CALN1: variants seen among roughly 807,000 people sequenced by gnomAD.
CALN1 encodes the protein calcium-binding protein 8.
A neutral mutation model predicts 30.6 loss-of-function variants in CALN1; 17 were observed. That is an observed-to-expected ratio of 0.56 (90% CI 0.38 to 0.83). The LOEUF is 0.83. Among genes scored for constraint, CALN1 ranks in the 40% least tolerant of loss-of-function variants. CALN1 has a pLI of 0.00. For synonymous variants in CALN1, 156 were observed against 131.4 expected, an observed-to-expected ratio of 1.19 and a Z score of -1.28; for missense variants, 291 against 354.9, an observed-to-expected ratio of 0.82 and a Z score of 1.45.
chr7:72,114,297 GGGAA>G lies in CALN1; in HGVS notation c.245-8007_245-8004del, dbSNP rs1347145528. On this transcript the variant is annotated intron_variant, in intron 3 of 6. Coordinates refer to ENST00000395275, the MANE Select transcript of CALN1 (RefSeq NM_031468.4). ...GGGAAGGGAAGGGAAGGGAAGGGAA[GGGAA>G]GGGAAGGGAAGGCAACACTGTAGTT... Among the ~76,000 whole-genome samples the G allele has an allele frequency of 9.9e-5, 13 of 131,346 alleles. 3 individuals carry two copies. Among genetic ancestry groups the G allele is most frequent in the Admixed American group, 2.4e-4 (3 of 12,726 alleles). The allele number at this position is 131,346 out of a possible 152,430, so 86.2% of individuals were successfully genotyped here. A position where few individuals can be genotyped will look rare whatever the true frequency, so the allele number is the denominator to read the frequency against.
At chr7:72,009,602 C>T in intron 5 of CALN1, among the ~76,000 whole-genome samples, 1 of 152,190 alleles carries the variant, frequency 6.6e-6, no homozygotes, top group East Asian at 1.9e-4. Flanking sequence ...ACCCAAATCT[C>T]ATCTTGAATT....
At chr7:72,194,909 C>G (rs537899186) in intron 3 of CALN1, among the ~76,000 whole-genome samples, 1 of 152,012 alleles carries the variant, frequency 6.6e-6, no homozygotes, top group South Asian at 2.1e-4. Flanking sequence ...CTATTCTGTC[C>G]TCCACAATTC....
At chr7:72,289,800 G>A (rs1043032269) in intron 2 of CALN1, among the ~76,000 whole-genome samples, 1 of 151,974 alleles carries the variant, frequency 6.6e-6, no homozygotes, top group Non-Finnish European at 1.5e-5. Context: ...TTTTAAGAAT[G>A]AATGCATAGG....
chr7:72,275,990 TG>T (rs1797308370), intron 3 of CALN1, among the ~76,000 whole-genome samples: 5 of 152,100 alleles, frequency 3.3e-5, no homozygotes, highest in Non-Finnish European at 7.4e-5. Context: ...GCCATTGCAC[TG>T]AAAAGTCACA....
chr7:72,206,724 T>C (rs1791916394), intron 3 of CALN1, among the ~76,000 whole-genome samples: 1 of 152,244 alleles, frequency 6.6e-6, no homozygotes, highest in Non-Finnish European at 1.5e-5. Context: ...ATGCCCTTTC[T>C]TTACTTCTTG....
rs190705205 is a variant in CALN1, at chr7:72,053,247, A to G, written c.389-29478T>C. On this transcript the variant is annotated intron_variant, in intron 4 of 6. Coordinates refer to ENST00000395275, the MANE Select transcript of CALN1 (RefSeq NM_031468.4). ...TCTGTCTCAAAAAACAAACAAACAA[A>G]GGAATATGTGCTCCCAAAGAGTGGA... 3.3e-5 allele frequency among the ~76,000 whole-genome samples: 5 copies of G among 152,298 alleles called. No individual in the cohort carries two copies. The East Asian group carries it at 7.7e-4, about 24-fold the overall frequency.
chr7:72,148,398 T>C (rs1382407317), intron 3 of CALN1, among the ~76,000 whole-genome samples: 1 of 140,266 alleles, frequency 7.1e-6, no homozygotes, highest in Admixed American at 7.3e-5. Flanking sequence ...CAAGACCCCA[T>C]CTCTACAAAA....
In CALN1 at chr7:72,382,226, G is replaced by A. The variant is rs184280303; in HGVS notation, c.119+21025C>T. Among the ~76,000 whole-genome samples the A allele has an allele frequency of 2.0e-5, 3 of 152,280 alleles. No individual in the cohort carries two copies. The East Asian group carries it at 5.8e-4, about 29-fold the overall frequency. On this transcript the variant is annotated intron_variant, in intron 2 of 6. Transcript: ENST00000395275. Reference sequence around the variant, plus strand: ...TGACCCAGTAATGGCTATATCCAGGGAGATTAGCAATAGGAATTTTTCTGT... The same window carrying A: ...TGACCCAGTAATGGCTATATCCAGGAAGATTAGCAATAGGAATTTTTCTGT...
At chr7:72,154,087 T>A (rs968130348) in intron 3 of CALN1, among the ~76,000 whole-genome samples, 13 of 152,000 alleles carry the variant, frequency 8.6e-5, no homozygotes, top group African/African-American at 2.7e-4. Flanking sequence ...GTTGGAAGCA[T>A]CCCTTTTACC....
intron 2 of CALN1, among the ~76,000 whole-genome samples, chr7:72,347,292 G>C (rs1372060426): frequency 6.7e-6 from 1 of 149,576 alleles, no homozygotes; most frequent in Non-Finnish European, 1.5e-5. Flanking sequence ...TTTTTGCCCA[G>C]GCTGGAGTGC....
intron 6 of CALN1, among the ~76,000 whole-genome samples, chr7:71,809,674 A>T (rs1787826354): frequency 6.6e-6 from 1 of 151,910 alleles, no homozygotes. Context: ...TTCTCTACTG[A>T]TTAGGAGATT....
chr7:71,924,426 A>G (rs914307092), intron 5 of CALN1, among the ~76,000 whole-genome samples: 12 of 145,062 alleles, frequency 8.3e-5, no homozygotes, highest in Non-Finnish European at 1.6e-4. Context: ...ATACAAAAGA[A>G]TGTTTATATA....
intron 2 of CALN1, among the ~76,000 whole-genome samples, chr7:72,397,704 CCATT>C (rs1806054413): frequency 2.4e-5 from 2 of 82,742 alleles, no homozygotes; most frequent in African/African-American, 9.5e-5. Context: ...TGGAGAGCAC[CCATT>C]CTCTCTCACA....
intron 6 of CALN1, among the ~76,000 whole-genome samples, chr7:71,790,405 AAAG>A (rs1293126070): frequency 3.9e-4 from 25 of 63,978 alleles, no homozygotes; most frequent in Non-Finnish European, 6.5e-4. Flanking sequence ...AGAAAGAAAG[AAAG>A]AAAGAAAGAA....
In CALN1 at chr7:71,884,211, C is replaced by T. The variant is rs112664158; in HGVS notation, c.502-73719G>A. Among the ~76,000 whole-genome samples the T allele has an allele frequency of 8.6e-3, 1,315 of 152,244 alleles. 13 individuals carry two copies. The highest frequency in any genetic ancestry group is 0.029 in the African/African-American group (1,223 of 41,538). ...TACAGGTGTGAGCCACTGTGCCCGG[C>T]CATATCAGCCTCTTTGGTTAGCCTC... On this transcript the variant is annotated intron_variant, in intron 5 of 6. Transcript: ENST00000395275.
intron 4 of CALN1, among the ~76,000 whole-genome samples, chr7:72,069,185 C>T (rs1232713322): frequency 6.6e-6 from 1 of 152,162 alleles, no homozygotes; most frequent in Non-Finnish European, 1.5e-5. Context: ...AGAACCACTG[C>T]AACTGTCAGA....
At chr7:71,817,275 T>C (rs1241278288) in intron 5 of CALN1, among the ~76,000 whole-genome samples, 2 of 152,200 alleles carry the variant, frequency 1.3e-5, no homozygotes, top group African/African-American at 4.8e-5. Flanking sequence ...TATGCAACTA[T>C]GGACCCTAGT....
At chr7:72,249,842 C>T (rs1795429201) in intron 3 of CALN1, among the ~76,000 whole-genome samples, 1 of 151,272 alleles carries the variant, frequency 6.6e-6, no homozygotes, top group Admixed American at 6.6e-5. Context: ...GAGGCTGAGG[C>T]AGGAGAATCA....
chr7:71,849,476 T>G (rs952519305), intron 5 of CALN1, among the ~76,000 whole-genome samples: 9 of 151,756 alleles, frequency 5.9e-5, no homozygotes, highest in African/African-American at 2.2e-4. Context: ...AGGATCAATT[T>G]AGCGATTCCA....
Sources: allele counts gnomAD v4.1 joint callset (sites outside exome capture counted in the v4.1 genomes callset), GRCh38; gene constraint gnomAD v4.1.1; transcripts MANE v1.5; gene names NCBI Gene and HGNC (gene_info 2026-07-23, HGNC 2026-07-21).